EPHA6: variants seen among roughly 807,000 people sequenced by gnomAD.
The protein encoded by EPHA6 is ephrin type-A receptor 6.
EPHA6 carries 50 observed loss-of-function variants against 112.0 expected under a neutral mutation model. The observed-to-expected ratio is 0.45, with a 90% CI of 0.36 to 0.56. The LOEUF (loss-of-function observed/expected upper bound fraction) is 0.56, where lower values mean the gene tolerates loss of function less well. Ranked by LOEUF, EPHA6 falls within the 20% of genes least tolerant of loss-of-function variation. The pLI, the probability that EPHA6 is intolerant of heterozygous loss-of-function variation, is 0.00. For missense variants in EPHA6, 1,280 were observed against 1,417.4 expected, an observed-to-expected ratio of 0.90 and a Z score of 1.56; for synonymous variants, 529 against 490.7, an observed-to-expected ratio of 1.08 and a Z score of -1.03.
At chr3:96,950,358 G>A (rs545482708) in intron 2 of EPHA6, among the ~76,000 whole-genome samples, 1 of 152,198 alleles carries the variant, frequency 6.6e-6, no homozygotes, top group Non-Finnish European at 1.5e-5. Context: ...GGCAGAGACT[G>A]TGCCCCTGTA....
At chr3:96,922,074 A>G (rs923496400) in intron 2 of EPHA6, among the ~76,000 whole-genome samples, 1 of 152,172 alleles carries the variant, frequency 6.6e-6, no homozygotes, top group African/African-American at 2.4e-5. Context: ...GCCAAAACAG[A>G]AAGCCTTTTT....
At chr3:97,362,421 T>C (rs1440072468) in intron 5 of EPHA6, among the ~76,000 whole-genome samples, 1 of 152,074 alleles carries the variant, frequency 6.6e-6, no homozygotes. Flanking sequence ...AATTAAAATT[T>C]AGAAAATGAG....
intron 9 of EPHA6, chr3:97,481,457 A>G (rs919770834): frequency 7.6e-7 from 1 of 1,314,468 alleles, no homozygotes; most frequent in Non-Finnish European, 1.1e-6. Context: ...TGCAGTTAAA[A>G]ATATTTCAGA....
At chr3:97,089,799 C>T (rs368732991) in intron 3 of EPHA6, among the ~76,000 whole-genome samples, 69 of 150,394 alleles carry the variant, frequency 4.6e-4, no homozygotes, top group African/African-American at 1.7e-3. Flanking sequence ...GTAAGCCCAT[C>T]AAACTCTAAC....
intron 3 of EPHA6, among the ~76,000 whole-genome samples, chr3:97,169,260 A>G (rs991462390): frequency 1.3e-5 from 2 of 152,188 alleles, no homozygotes; most frequent in African/African-American, 4.8e-5. Flanking sequence ...ATCAAATCAC[A>G]TTCAATGTAG....
chr3:97,372,707 C>T (rs2085128789), intron 5 of EPHA6, among the ~76,000 whole-genome samples: 1 of 151,962 alleles, frequency 6.6e-6, no homozygotes, highest in African/African-American at 2.4e-5. Context: ...ATAATATAAT[C>T]CATTTTAAGT....
At chr3:97,506,019 C>T (rs2092242921) in intron 10 of EPHA6, among the ~76,000 whole-genome samples, 1 of 152,078 alleles carries the variant, frequency 6.6e-6, no homozygotes, top group Non-Finnish European at 1.5e-5. Context: ...CCTTTGCCCA[C>T]GTTTTGATGG....
intron 5 of EPHA6, among the ~76,000 whole-genome samples, chr3:97,332,341 C>T (rs1043095930): frequency 1.3e-5 from 2 of 151,942 alleles, no homozygotes; most frequent in African/African-American, 4.8e-5. Flanking sequence ...CCTTTGAAAA[C>T]TGGCACAAGA....
chr3:96,977,894 C>T (rs2042596197), intron 2 of EPHA6, among the ~76,000 whole-genome samples: 1 of 152,180 alleles, frequency 6.6e-6, no homozygotes, highest in African/African-American at 2.4e-5. Context: ...CATGCTGCCT[C>T]ATGCCTGTAA....
intron 14 of EPHA6, among the ~76,000 whole-genome samples, chr3:97,677,495 C>T (rs113914439): frequency 4.6e-5 from 7 of 151,534 alleles, no homozygotes; most frequent in African/African-American, 7.3e-5. Flanking sequence ...CCAAGGTGGG[C>T]GGATCACCTG....
chr3:97,593,157 C>T (rs953532387), intron 12 of EPHA6, among the ~76,000 whole-genome samples: 3 of 150,710 alleles, frequency 2.0e-5, no homozygotes, highest in African/African-American at 7.3e-5. Context: ...CCTTTCATTA[C>T]AGAAAAAAAA....
At position 97,748,686 on chromosome 3, in the gene EPHA6, G is replaced by A. The variant is rs1252138904; in HGVS notation, c.3378G>A (p.Lys1126=). ...LRLHMMHIQE[K]GFHV The stretch of plus-strand genomic sequence containing the variant: ...TACACATGATGCACATACAGGAGAA[G>A]GGATTTCATGTATGAAAGTACCACA... Residue 1126 remains lysine, a synonymous_variant, in exon 18 of 18, where the codon AAG becomes AAA. Coordinates refer to ENST00000389672, the MANE Select transcript of EPHA6 (RefSeq NM_001080448.3). The A allele has an allele frequency of 6.3e-7, 1 of 1,591,644 alleles. No individual in the cohort carries two copies. Among genetic ancestry groups the A allele is most frequent in the Admixed American group, 1.7e-5 (1 of 59,890 alleles).
chr3:97,198,167 T>C (rs1025955512), intron 3 of EPHA6, among the ~76,000 whole-genome samples: 5 of 152,080 alleles, frequency 3.3e-5, no homozygotes, highest in African/African-American at 1.2e-4. Context: ...TCCAAAGATG[T>C]TTTCTTGTGT....
At chr3:97,596,902 A>ATATATG (rs1488752484) in intron 12 of EPHA6, among the ~76,000 whole-genome samples, 5 of 114,322 alleles carry the variant, frequency 4.4e-5, no homozygotes, top group African/African-American at 1.2e-4. Flanking sequence ...ATATATATAT[A>ATATATG]TATGTATGTA....
intron 3 of EPHA6, among the ~76,000 whole-genome samples, chr3:97,051,312 T>C (rs1576394618): frequency 6.6e-6 from 1 of 152,286 alleles, no homozygotes; most frequent in South Asian, 2.1e-4. Context: ...GAAATACTTA[T>C]TAAATCTCCT....
At position 97,226,132 on chromosome 3, in the gene EPHA6, T is replaced by C. The variant is rs1475325515; in HGVS notation, c.1115-132T>C. The C allele has an allele frequency of 1.7e-5, 10 of 601,836 alleles. No individual in the cohort carries two copies. In the East Asian group the frequency reaches 3.1e-4, roughly 18 times the overall value. The allele number at this position is 601,836 out of a possible 1,614,324, so 37.3% of individuals were successfully genotyped here. A position where few individuals can be genotyped will look rare whatever the true frequency, so the allele number is the denominator to read the frequency against. On this transcript the variant is annotated intron_variant, in intron 3 of 17. Transcript: ENST00000389672. ...TTTCATTTGTTAATCTTAATATAGA[T>C]GTCTTCTCTATGTATGTGTAACACT...
At chr3:97,601,767 C>T (rs147344858) in intron 12 of EPHA6, among the ~76,000 whole-genome samples, 1 of 152,156 alleles carries the variant, frequency 6.6e-6, no homozygotes, top group African/African-American at 2.4e-5. Context: ...GACTATTTAA[C>T]AAATATTTTT....
At chr3:97,282,757 T>C (rs114257249) in intron 5 of EPHA6, among the ~76,000 whole-genome samples, 11,949 of 152,222 alleles carry the variant, frequency 0.078, 910 homozygotes, top group Admixed American at 0.21. Flanking sequence ...AAACACCACA[T>C]GTTCTCACTC....
At chr3:97,189,667 T>C (rs2108474470) in intron 3 of EPHA6, among the ~76,000 whole-genome samples, 1 of 152,206 alleles carries the variant, frequency 6.6e-6, no homozygotes, top group East Asian at 1.9e-4. Flanking sequence ...AGCATTTATT[T>C]TCTCTCCACT....
Sources: gnomAD v4.1 joint callset for allele counts (sites outside exome capture counted in the v4.1 genomes callset) on GRCh38, gnomAD v4.1.1 for gene constraint, MANE v1.5 for transcripts, NCBI Gene and HGNC (gene_info 2026-07-23, HGNC 2026-07-21) for gene names.